The following ITIH5 variants were observed in gnomAD, a reference collection of about 807,000 sequenced individuals.
The protein encoded by ITIH5 is inter-alpha-trypsin inhibitor heavy chain 5, also known as inter-alpha-trypsin inhibitor heavy chain H5.
Under a neutral mutation model 77.5 loss-of-function variants are expected in ITIH5, and 65 were observed. The ratio of observed to expected loss-of-function variants is 0.84; its 90% CI spans 0.69 to 1.03. The LOEUF is 1.03. Among genes scored for constraint, ITIH5 ranks in the 50% least tolerant of loss-of-function variants. The probability of loss-of-function intolerance (pLI) is 0.00; values close to 1 mark genes in which losing one functional copy is unlikely to be tolerated. For synonymous variants in ITIH5, 525 were observed against 494.3 expected, an observed-to-expected ratio of 1.06 and a Z score of -0.82; for missense variants, 1,208 against 1,213.1, an observed-to-expected ratio of 1.00 and a Z score of 0.06.
intron 5 of ITIH5, among the ~76,000 whole-genome samples, chr10:7,629,477 A>G (rs967556848): frequency 8.5e-5 from 11 of 129,166 alleles, no homozygotes; most frequent in East Asian, 2.3e-4. Flanking sequence ...GTGTTTTCGC[A>G]TGTGTCCATG....
At chr10:7,577,604 G>A (rs988802312) in intron 9 of ITIH5, among the ~76,000 whole-genome samples, 6 of 152,212 alleles carry the variant, frequency 3.9e-5, no homozygotes, top group Non-Finnish European at 8.8e-5. Flanking sequence ...CCTGACTTTC[G>A]TGAGTTTGTG....
intron 13 of ITIH5, 69 bp downstream of exon 13, chr10:7,565,961 A>G (rs1352058816): frequency 7.1e-6 from 11 of 1,542,474 alleles, no homozygotes; most frequent in South Asian, 3.7e-5. Flanking sequence ...GGTGTTGGCA[A>G]TATCAGCTTT....
intron 7 of ITIH5, among the ~76,000 whole-genome samples, chr10:7,610,688 C>T (rs1833227169): frequency 6.6e-6 from 1 of 152,228 alleles, no homozygotes; most frequent in African/African-American, 2.4e-5. Flanking sequence ...CTTCAAAGAG[C>T]CAGCTAAGCT....
At chr10:7,570,375 G>A (rs1832273053) in intron 11 of ITIH5, 1 of 152,346 alleles carries the variant, frequency 6.6e-6, no homozygotes, top group African/African-American at 2.4e-5. Context: ...CAGGCGCACA[G>A]TCAGGGTGCT....
intron 1 of ITIH5, among the ~76,000 whole-genome samples, chr10:7,662,379 A>G (rs551453738): frequency 6.6e-6 from 1 of 152,112 alleles, no homozygotes; most frequent in African/African-American, 2.4e-5. Flanking sequence ...AGAGAGACAG[A>G]CAGAGAAAAG....
Position 7,573,730 on chromosome 10 carries a change from G to A in ITIH5, c.1979-535C>T, listed in dbSNP as rs150040553. Among the ~76,000 whole-genome samples the A allele has an allele frequency of 7.1e-4, 107 of 151,086 alleles. 1 individual carries two copies. The highest frequency in any genetic ancestry group is 5.3e-3 in the Admixed American group (81 of 15,172). On this transcript the variant is annotated intron_variant, in intron 10 of 13. Coordinates refer to ENST00000397146, the MANE Select transcript of ITIH5 (RefSeq NM_030569.7). ...AGAATAGAAACTACACAAGTGGAAT[G>A]TAAAGTGTGTAGGATTAATTATTTA... is the stretch of plus-strand genomic sequence containing the variant.
chr10:7,593,864 T>C (rs1335381006), intron 7 of ITIH5, among the ~76,000 whole-genome samples: 4 of 151,978 alleles, frequency 2.6e-5, no homozygotes, highest in Non-Finnish European at 4.4e-5. Flanking sequence ...CCACCAATCC[T>C]TGCAGACTGC....
chr10:7,657,399 T>C (rs1478337915), intron 1 of ITIH5, among the ~76,000 whole-genome samples: 1 of 152,086 alleles, frequency 6.6e-6, no homozygotes, highest in Non-Finnish European at 1.5e-5. Flanking sequence ...GGCTGTAACA[T>C]TCTGCATTCC....
intron 1 of ITIH5, 88 bp from the exon 2 acceptor site, chr10:7,655,763 A>C: frequency 9.9e-7 from 1 of 1,005,830 alleles, no homozygotes; most frequent in Non-Finnish European, 1.6e-6. Context: ...CACATGAGTT[A>C]TACAAGGGGG....
intron 4 of ITIH5, 109 bp from the exon 5 acceptor site, chr10:7,637,587 G>C: frequency 9.1e-7 from 1 of 1,100,690 alleles, no homozygotes; most frequent in Non-Finnish European, 1.3e-6. Context: ...GCCTGCCAGG[G>C]AGACCCATGG....
chr10:7,626,023 G>A (rs935522817), intron 5 of ITIH5, among the ~76,000 whole-genome samples: 6 of 152,290 alleles, frequency 3.9e-5, no homozygotes, highest in African/African-American at 9.6e-5. Context: ...GCATAGCTGG[G>A]CAGATGGACA....
chr10:7,609,292 T>A, intron 7 of ITIH5: 1 of 379,784 alleles, frequency 2.6e-6, no homozygotes, highest in Non-Finnish European at 5.2e-6. Flanking sequence ...AGGATACATT[T>A]ATTGTTTGTG....
At chr10:7,620,474 T>C (rs1833456567) in intron 5 of ITIH5, 1 of 152,188 alleles carries the variant, frequency 6.6e-6, no homozygotes, top group Non-Finnish European at 1.5e-5. Context: ...GTGGTAATTT[T>C]GAGGAAGGGT....
chr10:7,565,793 AATAC>A (rs1832140031), intron 13 of ITIH5, among the ~76,000 whole-genome samples: 1 of 149,190 alleles, frequency 6.7e-6, no homozygotes, highest in Non-Finnish European at 1.5e-5. Flanking sequence ...GACTATATAT[AATAC>A]ATATATACAT....
At chr10:7,648,173 A>G (rs867490) in intron 2 of ITIH5, among the ~76,000 whole-genome samples, 109,763 of 150,980 alleles carry the variant, frequency 0.73, 40,680 homozygotes, top group African/African-American at 0.88. Flanking sequence ...GAACCTGGGA[A>G]GCAGAGCTTC....
chr10:7,625,780 AG>A, intron 5 of ITIH5, among the ~76,000 whole-genome samples: 1 of 137,146 alleles, frequency 7.3e-6, no homozygotes, highest in African/African-American at 2.6e-5. Flanking sequence ...AAAAAAAGAA[AG>A]AAAGAAAGAA....
intron 8 of ITIH5, among the ~76,000 whole-genome samples, chr10:7,581,355 A>G (rs975211630): frequency 1.3e-4 from 20 of 152,202 alleles, no homozygotes; most frequent in African/African-American, 4.6e-4. Context: ...TGTGGCTTAG[A>G]AAAACCATAC....
intron 7 of ITIH5, among the ~76,000 whole-genome samples, chr10:7,600,839 C>T (rs553777871): frequency 3.1e-4 from 47 of 152,326 alleles, no homozygotes; most frequent in African/African-American, 1.1e-3. Context: ...TACTCCCTTC[C>T]ACCATGGGAG....
chr10:7,603,166 T>C (rs945863789), intron 7 of ITIH5, among the ~76,000 whole-genome samples: 2 of 152,126 alleles, frequency 1.3e-5, no homozygotes, highest in African/African-American at 2.4e-5. Context: ...TCAGAATCTC[T>C]GCTAAAAAAC....
Sources: gnomAD v4.1 joint callset for allele counts (sites outside exome capture counted in the v4.1 genomes callset) on GRCh38, gnomAD v4.1.1 for gene constraint, MANE v1.5 for transcripts, NCBI Gene and HGNC (gene_info 2026-07-23, HGNC 2026-07-21) for gene names.